The following DST variants were observed in gnomAD, a reference collection of about 807,000 sequenced individuals.
DST encodes dystonin, also known as bullous pemphigoid antigen.
Under a neutral mutation model 875.2 loss-of-function variants are expected in DST, and 253 were observed. The observed-to-expected ratio is 0.29, with a 90% CI of 0.26 to 0.32. DST has a LOEUF of 0.32. Ranked by LOEUF, DST falls within the 10% of genes least tolerant of loss-of-function variation. DST has a pLI of 1.00. For missense variants in DST, 8,287 were observed against 9,111.6 expected (o/e 0.91, Z 3.68); for synonymous variants, 3,124 against 3,197.1 (o/e 0.98, Z 0.77).
rs778365979 is a variant in DST at position 56,606,920 on chromosome 6, C to T, written c.7708G>A (p.Ala2570Thr). Reference protein sequence around the residue: ...AVTPGGDTDNAIVSLTCATPL... With the variant: ...AVTPGGDTDNTIVSLTCATPL... ...GTAGCACAAGTAAGAGACACAATGG[C>T]ATTATCAGTATCACCCCCTGGAGTC... Residue 2570 changes from alanine to threonine, a missense_variant, in exon 40 of 104, where the codon GCC (alanine) becomes ACC (threonine). Physicochemically the swap from Ala to Thr is moderately conservative, Grantham distance 58 (BLOSUM62 0). This residue lies in a region of DST where 3,138 missense variants were observed against 3,116.6 expected (regional missense o/e 1.01). Coordinates refer to ENST00000680361, the MANE Select transcript of DST (RefSeq NM_001374736.1). 1 of 1,613,462 alleles carries T rather than the reference C, an allele frequency of 6.2e-7. No homozygotes were observed. The highest frequency in any genetic ancestry group is 8.5e-7 in the Non-Finnish European group (1 of 1,179,598).
At chr6:56,730,731 C>T (rs1429461886) in intron 5 of DST, among the ~76,000 whole-genome samples, 1 of 152,146 alleles carries the variant, frequency 6.6e-6, no homozygotes, top group East Asian at 1.9e-4. Flanking sequence ...CAGTAATTTA[C>T]CTAGAAACCA....
In DST at chr6:56,735,246, T is replaced by C; in HGVS notation, c.669A>G (p.Ile223Met). The C allele has an allele frequency of 6.4e-7, 1 of 1,551,764 alleles. No individual in the cohort carries two copies. Among genetic ancestry groups the C allele is most frequent in the Non-Finnish European group, 8.7e-7 (1 of 1,145,528 alleles). Reference protein sequence around the residue: ...KVQKKTFTKWINQHLMKVRKH... With the variant: ...KVQKKTFTKWMNQHLMKVRKH... ...AACTGACCTTCATGAGATGCTGATT[T>C]ATCCATTTTGTAAATGTTTTCTTCT... Residue 223 changes from isoleucine (I) to methionine (M), a missense_variant, in exon 5 of 104, where the codon ATA becomes ATG. This residue lies in a region of DST where 1,160 missense variants were observed against 1,424.3 expected (regional missense o/e 0.81). Transcript: ENST00000680361.
chr6:56,593,012 G>C (rs56024486), intron 48 of DST, among the ~76,000 whole-genome samples: 7,525 of 152,028 alleles, frequency 0.049, 286 homozygotes, highest in South Asian at 0.11. Flanking sequence ...TTTGTGAAGA[G>C]GATAATCTGA....
intron 3 of DST, among the ~76,000 whole-genome samples, chr6:56,881,584 C>A (rs954882437): frequency 2.0e-5 from 3 of 152,082 alleles, no homozygotes; most frequent in Non-Finnish European, 4.4e-5. Context: ...ATCTTCCCAC[C>A]CCATTTCCCA....
chr6:56,877,904 C>A (rs17752278), intron 3 of DST, among the ~76,000 whole-genome samples: 1,820 of 152,290 alleles, frequency 0.012, 16 homozygotes, highest in Non-Finnish European at 0.018. Context: ...GGAAGTACAA[C>A]TGGTCAACAG....
intron 4 of DST, among the ~76,000 whole-genome samples, chr6:56,831,384 G>A (rs2099786769): frequency 6.6e-6 from 1 of 152,182 alleles, no homozygotes; most frequent in Admixed American, 6.5e-5. Flanking sequence ...TGCAAAAGGT[G>A]AAATGCAAGG....
intron 4 of DST, among the ~76,000 whole-genome samples, chr6:56,782,535 T>A (rs1405499814): frequency 1.3e-5 from 2 of 152,236 alleles, no homozygotes; most frequent in East Asian, 3.8e-4. Context: ...TATTCTCTGA[T>A]GGTAGTTTGT....
At chr6:56,831,471 TCTCCCTTCCCCAG>T (rs1417909342) in intron 4 of DST, among the ~76,000 whole-genome samples, 2 of 151,902 alleles carry the variant, frequency 1.3e-5, no homozygotes, top group African/African-American at 4.8e-5. Context: ...ACACAAAGCC[TCTCCCTTCCCCAG>T]CTCCCACTGA....
chr6:56,473,975 G>C lies in DST; in HGVS notation c.21892C>G (p.Gln7298Glu). 1 of 1,580,300 alleles carries C rather than the reference G, an allele frequency of 6.3e-7. No individual in the cohort carries two copies. Among genetic ancestry groups the C allele is most frequent in the Non-Finnish European group, 8.6e-7 (1 of 1,160,906 alleles). Reference protein sequence around the residue: ...QTFMEEMTRKQPDVDKVTKTY... With the variant: ...QTFMEEMTRKEPDVDKVTKTY... Reference sequence around the variant, plus strand: ...TTCGTTACTTTATCAACATCAGGCTGTTTTCTGGTCATTTCCTCCATGAAG... The same window carrying C: ...TTCGTTACTTTATCAACATCAGGCTCTTTTCTGGTCATTTCCTCCATGAAG... Residue 7298 changes from glutamine to glutamate, a missense_variant, in exon 93 of 104, where the codon CAG (glutamine) becomes GAG (glutamate). Physicochemically the swap from Gln to Glu is conservative, Grantham distance 29. Around this residue, in one of 10 missense-constraint regions of DST, gnomAD observed 1,292 missense variants for 1,552.7 expected, o/e 0.83. Transcript: ENST00000680361.
At chr6:56,718,144 T>C (rs1437056883) in intron 5 of DST, among the ~76,000 whole-genome samples, 4 of 152,098 alleles carry the variant, frequency 2.6e-5, no homozygotes, top group Non-Finnish European at 5.9e-5. Flanking sequence ...CTTGGGAGGC[T>C]ATGGTGGAAG....
chr6:56,813,779 T>C (rs959287574), intron 4 of DST, among the ~76,000 whole-genome samples: 2 of 152,210 alleles, frequency 1.3e-5, no homozygotes, highest in Admixed American at 6.5e-5. Flanking sequence ...CTTAATATTT[T>C]GCTATTTGTT....
chr6:56,706,129 C>T (rs934247333), intron 5 of DST, among the ~76,000 whole-genome samples: 9 of 152,072 alleles, frequency 5.9e-5, no homozygotes, highest in Non-Finnish European at 1.3e-4. Flanking sequence ...GCCTGGCCAA[C>T]GTGGTGAAAC....
At chr6:56,617,952 G>A in intron 36 of DST, 1 of 1,562,704 alleles carries the variant, frequency 6.4e-7, no homozygotes, top group Non-Finnish European at 8.8e-7. Context: ...CTTGACATTA[G>A]GTAGCTGATA....
chr6:56,841,783 A>T (rs1406626378), intron 4 of DST, among the ~76,000 whole-genome samples: 1 of 152,082 alleles, frequency 6.6e-6, no homozygotes, highest in African/African-American at 2.4e-5. Context: ...CTAATTACAA[A>T]CCTTACTTTA....
At chr6:56,857,282 T>G (rs1399587667) in intron 3 of DST, among the ~76,000 whole-genome samples, 1 of 152,190 alleles carries the variant, frequency 6.6e-6, no homozygotes, top group African/African-American at 2.4e-5. Flanking sequence ...CATCTCAAAG[T>G]ACTGGGATAA....
At chr6:56,839,833 T>G (rs997465150) in intron 4 of DST, among the ~76,000 whole-genome samples, 3 of 152,002 alleles carry the variant, frequency 2.0e-5, no homozygotes, top group African/African-American at 7.2e-5. Context: ...AAGGTATTTG[T>G]AAAAAACAGA....
rs2096116311 is a variant in DST at position 56,501,356 on chromosome 6, G to A, written c.19741-121C>T. On this transcript the variant is annotated intron_variant, in intron 79 of 103. Transcript: ENST00000680361. ...TAAGTCCATAAACGTATCCAGTGAA[G>A]CCTAATCATCATATCCTTCTATGTT... The A allele has an allele frequency of 7.5e-6, 9 of 1,197,508 alleles. No homozygotes were observed. The South Asian group carries it at 1.7e-4, about 22-fold the overall frequency. The allele number at this position is 1,197,508 out of a possible 1,614,324, so 74.2% of individuals were successfully genotyped here. A position where few individuals can be genotyped will look rare whatever the true frequency, so the allele number is the denominator to read the frequency against.
Position 56,640,539 on chromosome 6 carries a change from T to C in DST, c.2094A>G (p.Gly698=), listed in dbSNP as rs2098884545. The change falls in exon 18 of 104, where the codon GGA becomes GGG. Residue 698 remains glycine, a synonymous_variant. Transcript: ENST00000680361. ...RNECSSVYSK[G]RILTTEQTKL... is the part of the protein sequence containing the mutation. The stretch of plus-strand genomic sequence containing the variant: ...TTGTCTGTTCTGTTGTCAGTATGCG[T>C]CCTTTGCTGTACACAGAAGAACATT... 1.2e-6 allele frequency: 2 copies of C among 1,614,092 alleles called. No individual in the cohort carries two copies. The highest frequency in any genetic ancestry group is 1.3e-5 in the African/African-American group (1 of 74,946).
chr6:56,872,544 A>T (rs1466164922), intron 3 of DST, among the ~76,000 whole-genome samples: 1 of 152,154 alleles, frequency 6.6e-6, no homozygotes, highest in East Asian at 1.9e-4. Context: ...TAAATAAAAT[A>T]AAAAATTTAA....
Sources: gnomAD v4.1 joint callset for allele counts (sites outside exome capture counted in the v4.1 genomes callset) on GRCh38, gnomAD v4.1.1 for gene constraint, gnomAD v4.1.1 regional missense constraint, MANE v1.5 for transcripts, NCBI Gene and HGNC (gene_info 2026-07-23, HGNC 2026-07-21) for gene names.